Variants in DHRSX observed in about 807,000 individuals in gnomAD.
DHRSX encodes dehydrogenase/reductase X-linked, also known as polyprenol dehydrogenase.
A neutral mutation model predicts 34.0 loss-of-function variants in DHRSX; 31 were observed. That is an observed-to-expected ratio of 0.91 (90% CI 0.69 to 1.23). DHRSX has a LOEUF of 1.23. Among genes scored for constraint, DHRSX ranks in the 50% most tolerant of loss-of-function variants. The probability of loss-of-function intolerance (pLI) is 0.00; values close to 1 mark genes in which losing one functional copy is unlikely to be tolerated. For missense variants in DHRSX, 414 were observed against 428.1 expected (o/e 0.97, Z 0.29); for synonymous variants, 201 against 183.8 (o/e 1.09, Z -0.76).
intron 2 of DHRSX, among the ~76,000 whole-genome samples, chrX:2,415,062 T>C (rs80209861): frequency 0.81 from 122,842 of 151,596 alleles, 50,472 homozygotes; most frequent in East Asian, 0.94. Context: ...GATCCCATTA[T>C]AACTTAATCC....
rs2043120705 is a variant in DHRSX at position 2,374,727 on chromosome X, G to A, written c.286+34018C>T. Among the ~76,000 whole-genome samples, 3 of 135,528 alleles carry A rather than the reference G, an allele frequency of 2.2e-5. 1 individual carries two copies. Among genetic ancestry groups the A allele is most frequent in the Admixed American group, 7.4e-5 (1 of 13,454 alleles). 88.9% of individuals were successfully genotyped at this position (135,528 alleles called of 152,430 possible). On this transcript the variant is annotated intron_variant, in intron 3 of 6. Transcript: ENST00000334651. ...GCACTCTAGCCCGGGTGACAACAGC[G>A]AGACTCCATCTCAAAAAAACCAAAA...
At chrX:2,380,491 G>C (rs183103350) in intron 3 of DHRSX, among the ~76,000 whole-genome samples, 3 of 152,214 alleles carry the variant, frequency 2.0e-5, no homozygotes, top group Admixed American at 6.5e-5. Context: ...TGGTTCAGGA[G>C]AGATGTATAG....
chrX:2,331,896 C>T (rs1246184952), intron 3 of DHRSX, among the ~76,000 whole-genome samples: 1 of 152,126 alleles, frequency 6.6e-6, no homozygotes, highest in Non-Finnish European at 1.5e-5. Context: ...CCAAAGCACC[C>T]TCTACCCTCA....
intron 1 of DHRSX, among the ~76,000 whole-genome samples, chrX:2,479,240 T>C (rs2044731371): frequency 6.7e-6 from 1 of 149,906 alleles, no homozygotes; most frequent in Admixed American, 6.6e-5. Context: ...CCTAAGCATG[T>C]GGCTAAGGGA....
At chrX:2,461,394 C>T (rs765508025) in intron 1 of DHRSX, among the ~76,000 whole-genome samples, 2 of 152,314 alleles carry the variant, frequency 1.3e-5, no homozygotes, top group South Asian at 4.1e-4. Context: ...AGCAATGCTA[C>T]CAAAACAGGG....
intron 3 of DHRSX, among the ~76,000 whole-genome samples, chrX:2,347,253 A>G (rs957353162): frequency 6.6e-6 from 1 of 152,190 alleles, no homozygotes; most frequent in African/African-American, 2.4e-5. Flanking sequence ...AGACAAGAGA[A>G]GAGAGCATGT....
At chrX:2,268,895 T>C (rs759374546) in intron 4 of DHRSX, among the ~76,000 whole-genome samples, 3 of 152,368 alleles carry the variant, frequency 2.0e-5, no homozygotes, top group South Asian at 2.1e-4. Flanking sequence ...TGGAATCCCA[T>C]AGCTTTTGCA....
At chrX:2,465,436 G>C (rs28376452) in intron 1 of DHRSX, among the ~76,000 whole-genome samples, 29,385 of 151,904 alleles carry the variant, frequency 0.19, 3,981 homozygotes, top group African/African-American at 0.39. Context: ...AAATCAAGCT[G>C]TGAGGAGTAA....
chrX:2,282,796 A>G (rs1364104099), intron 4 of DHRSX, among the ~76,000 whole-genome samples: 45 of 47,316 alleles, frequency 9.5e-4, no homozygotes, highest in Non-Finnish European at 1.2e-3. Flanking sequence ...GAGAGAGAAG[A>G]AAGAGAGAAG....
rs1471747147 is a variant in DHRSX at position 2,469,323 on chromosome X, C to T, written c.109+31494G>A. On this transcript the variant is annotated intron_variant, in intron 1 of 6. Coordinates refer to ENST00000334651, the MANE Select transcript of DHRSX (RefSeq NM_145177.3). ...TTCCCTAAGAATGTGGATAAGGGAC[C>T]GCCGCCATGTACACACTGAAGACGT... Among the ~76,000 whole-genome samples the T allele has an allele frequency of 7.3e-5, 11 of 150,326 alleles. No individual in the cohort carries two copies. The South Asian group carries it at 8.4e-4, about 12-fold the overall frequency.
intron 2 of DHRSX, among the ~76,000 whole-genome samples, chrX:2,414,883 T>C (rs1235936109): frequency 6.6e-6 from 1 of 151,500 alleles, no homozygotes; most frequent in Admixed American, 6.6e-5. Context: ...CAACTAATTC[T>C]CATAATGACC....
chrX:2,366,459 A>G (rs755440128), intron 3 of DHRSX, among the ~76,000 whole-genome samples: 1 of 152,238 alleles, frequency 6.6e-6, no homozygotes, highest in South Asian at 2.1e-4. Context: ...AAAGAAAAGA[A>G]AAGAAAAAGA....
chrX:2,451,160 GA>G (rs1204076157), intron 1 of DHRSX, among the ~76,000 whole-genome samples: 1 of 151,902 alleles, frequency 6.6e-6, no homozygotes, highest in Admixed American at 6.6e-5. Flanking sequence ...TTGAACCCGG[GA>G]GGCGGAGGGT....
intron 5 of DHRSX, among the ~76,000 whole-genome samples, chrX:2,261,168 C>G (rs2041358584): frequency 6.6e-6 from 1 of 152,020 alleles, no homozygotes; most frequent in African/African-American, 2.4e-5. Context: ...CAAGATAGCA[C>G]CACTGCACTC....
At chrX:2,345,483 A>G (rs2042694592) in intron 3 of DHRSX, among the ~76,000 whole-genome samples, 1 of 151,874 alleles carries the variant, frequency 6.6e-6, no homozygotes, top group South Asian at 2.1e-4. Flanking sequence ...TCTCTACCAA[A>G]AAAATAAAAA....
At chrX:2,240,415 G>C (rs1260515794) in intron 6 of DHRSX, among the ~76,000 whole-genome samples, 1 of 151,918 alleles carries the variant, frequency 6.6e-6, no homozygotes, top group Non-Finnish European at 1.5e-5. Flanking sequence ...CCCTCAAAAA[G>C]TCCACATTGG....
intron 3 of DHRSX, among the ~76,000 whole-genome samples, chrX:2,292,004 T>C: frequency 6.7e-6 from 1 of 148,936 alleles, no homozygotes; most frequent in Non-Finnish European, 1.5e-5. Flanking sequence ...CCTCCCAAAG[T>C]GCTGGGATTA....
intron 3 of DHRSX, among the ~76,000 whole-genome samples, chrX:2,325,535 A>G (rs1456443248): frequency 6.6e-6 from 1 of 152,072 alleles, no homozygotes; most frequent in Non-Finnish European, 1.5e-5. Flanking sequence ...GCCCCGACCA[A>G]CTACAAAGCC....
chrX:2,251,637 T>C (rs1416343209), intron 5 of DHRSX, among the ~76,000 whole-genome samples: 3 of 152,138 alleles, frequency 2.0e-5, no homozygotes, highest in South Asian at 4.1e-4. Flanking sequence ...GCAAAACTGC[T>C]GGAGAGTGTA....
Sources: allele counts gnomAD v4.1 joint callset (sites outside exome capture counted in the v4.1 genomes callset), GRCh38; gene constraint gnomAD v4.1.1; transcripts MANE v1.5; gene names NCBI Gene and HGNC (gene_info 2026-07-23, HGNC 2026-07-21).